SAMD8: variants seen among roughly 807,000 people sequenced by gnomAD.
SAMD8 encodes the protein sterile alpha motif domain containing 8, also known as sphingomyelin synthase-related protein 1.
SAMD8 carries 20 observed loss-of-function variants against 42.0 expected under a neutral mutation model. The observed-to-expected ratio is 0.48, with a 90% confidence interval of 0.34 to 0.69. The LOEUF (loss-of-function observed/expected upper bound fraction) is 0.69, where lower values mean the gene tolerates loss of function less well. Among genes scored for constraint, SAMD8 ranks in the 30% least tolerant of loss-of-function variants. The probability of loss-of-function intolerance (pLI) is 0.01; values close to 1 mark genes in which losing one functional copy is unlikely to be tolerated. For missense variants in SAMD8, 328 were observed against 511.6 expected, an observed-to-expected ratio of 0.64 and a Z score of 3.46; for synonymous variants, 162 against 173.0, an observed-to-expected ratio of 0.94 and a Z score of 0.50.
At chr10:75,107,304 G>A (rs190549465), upstream of SAMD8, among the ~76,000 whole-genome samples, 15 of 150,888 alleles carry the variant, frequency 9.9e-5, no homozygotes, top group Admixed American at 8.6e-4. Context: ...CAGAGATCGC[G>A]CCACTGCACT....
At chr10:75,101,984 T>C in intron 1 of SAMD8, 1 of 1,363,284 alleles carries the variant, frequency 7.3e-7, no homozygotes, top group Non-Finnish European at 9.8e-7. Context: ...TTGAGTTTAA[T>C]TATAAAGCAT....
chr10:75,145,757 A>G (rs1474187923), intron 1 of SAMD8, among the ~76,000 whole-genome samples: 1 of 152,196 alleles, frequency 6.6e-6, no homozygotes, highest in Non-Finnish European at 1.5e-5. Flanking sequence ...ACATTGCCAA[A>G]TGTTCCAGGA....
chr10:75,108,245 A>G (rs748380089), upstream of SAMD8: 1 of 1,564,052 alleles, frequency 6.4e-7, no homozygotes. Context: ...ATGCCGGCCA[A>G]GCCATGGGAC....
Position 75,105,053 on chromosome 10 carries a change from G to A in SAMD8, c.-16+5325G>A, listed in dbSNP as rs976463396. On this transcript the variant is annotated intron_variant, in intron 1 of 3. Coordinates refer to the SAMD8 transcript ENST00000447533. Reference sequence around the variant, plus strand: ...GGACAGCCAAAGACAGGCTTGAGGCGAGACAGGCAAGGAGTTGTAGAGGAA... The same window carrying A: ...GGACAGCCAAAGACAGGCTTGAGGCAAGACAGGCAAGGAGTTGTAGAGGAA... Among the ~76,000 whole-genome samples, 16 of 152,192 alleles carry A rather than the reference G, an allele frequency of 1.1e-4. 1 individual carries two copies. Among genetic ancestry groups the A allele is most frequent in the South Asian group, 4.1e-4 (2 of 4,834 alleles).
At chr10:75,106,111 T>C (rs888958048) in intron 1 of SAMD8, among the ~76,000 whole-genome samples, 511 of 150,612 alleles carry the variant, frequency 3.4e-3, no homozygotes, top group Middle Eastern at 6.9e-3. Flanking sequence ...CTTTTTTTTT[T>C]TTTTTTTTTT....
chr10:75,155,627 G>A (rs1840395026), intron 2 of SAMD8, among the ~76,000 whole-genome samples: 1 of 152,138 alleles, frequency 6.6e-6, no homozygotes, highest in Non-Finnish European at 1.5e-5. Flanking sequence ...ATAGGTTCAG[G>A]AGAGAATGTG....
rs569008950 is a variant in SAMD8, at chr10:75,181,139, T to C, written c.*4447T>C. The C allele has an allele frequency of 4.1e-4, 62 of 152,358 alleles. No homozygotes were observed. The highest frequency in any genetic ancestry group is 1.4e-3 in the African/African-American group (60 of 41,590). 9.4% of individuals were successfully genotyped at this position (152,358 alleles called of 1,614,324 possible). A position where few individuals can be genotyped will look rare whatever the true frequency, so the allele number is the denominator to read the frequency against. ...AAAGCTGTCTTGTAGAATAGTCCAA[T>C]TGCTTTCTTAAACAGTACTGGTTTC... is the stretch of plus-strand genomic sequence containing the variant. On this transcript the variant is annotated 3_prime_UTR_variant, in exon 6 of 6. Transcript: ENST00000542569.
chr10:75,107,203 C>T (rs1564668114), upstream of SAMD8, among the ~76,000 whole-genome samples: 1 of 151,996 alleles, frequency 6.6e-6, no homozygotes, highest in Non-Finnish European at 1.5e-5. Flanking sequence ...GGTATGGTGG[C>T]GGATGCCTGT....
At chr10:75,100,248 C>T (rs1439674219) in intron 1 of SAMD8, among the ~76,000 whole-genome samples, 1 of 152,162 alleles carries the variant, frequency 6.6e-6, no homozygotes, top group African/African-American at 2.4e-5. Flanking sequence ...CCTCTGCCTC[C>T]GAGGGGACCT....
chr10:75,155,566 T>G (rs188288187), intron 2 of SAMD8, among the ~76,000 whole-genome samples: 1 of 152,292 alleles, frequency 6.6e-6, no homozygotes, highest in Admixed American at 6.5e-5. Context: ...TAGCAACATG[T>G]TGGTCATCAG....
chr10:75,129,500 A>G (rs1403562322), intron 1 of SAMD8, among the ~76,000 whole-genome samples: 1 of 152,146 alleles, frequency 6.6e-6, no homozygotes, highest in Non-Finnish European at 1.5e-5. Flanking sequence ...GGCCTCCCAA[A>G]GTGCTGGAAT....
intron 2 of SAMD8, among the ~76,000 whole-genome samples, chr10:75,154,021 C>T (rs2134491761): frequency 6.6e-6 from 1 of 152,308 alleles, no homozygotes; most frequent in African/African-American, 2.4e-5. Flanking sequence ...CCACCTGGGC[C>T]TCCCAAAGTA....
chr10:75,179,532 C>T lies in SAMD8; in HGVS notation c.*2840C>T, dbSNP rs1052899995. On this transcript the variant is annotated 3_prime_UTR_variant, in exon 6 of 6. Coordinates refer to ENST00000542569, the MANE Select transcript of SAMD8 (RefSeq NM_001174156.2). ...TGTAAAATAACTTTTCAGCCTTGCACTTGCTCATATATGTTTTGAGAAAAA... is the reference window on the plus strand; with the variant it reads ...TGTAAAATAACTTTTCAGCCTTGCATTTGCTCATATATGTTTTGAGAAAAA... 1 of 152,198 alleles carries T rather than the reference C, an allele frequency of 6.6e-6. No individual in the cohort carries two copies. Among genetic ancestry groups the T allele is most frequent in the Non-Finnish European group, 1.5e-5 (1 of 68,034 alleles). 9.4% of individuals were successfully genotyped at this position (152,198 alleles called of 1,614,324 possible). A position where few individuals can be genotyped will look rare whatever the true frequency, so the allele number is the denominator to read the frequency against.
At chr10:75,148,662 GC>G (rs1415631315) in intron 1 of SAMD8, among the ~76,000 whole-genome samples, 1 of 152,104 alleles carries the variant, frequency 6.6e-6, no homozygotes, top group African/African-American at 2.4e-5. Context: ...CGCAGTACCA[GC>G]TTTTAACTTT....
At chr10:75,113,867 C>T (rs1256404705) in intron 1 of SAMD8, among the ~76,000 whole-genome samples, 1 of 152,120 alleles carries the variant, frequency 6.6e-6, no homozygotes, top group Admixed American at 6.5e-5. Flanking sequence ...AAAGTCATGG[C>T]ATGTAAAAAT....
rs955435037 is a variant in SAMD8, at chr10:75,181,551, A to G, written c.*4859A>G. On this transcript the variant is annotated 3_prime_UTR_variant, in exon 6 of 6. Coordinates refer to ENST00000542569, the MANE Select transcript of SAMD8 (RefSeq NM_001174156.2). The stretch of plus-strand genomic sequence containing the variant: ...TATTTCAGCTATTCTGGTTTTTATA[A>G]TACATTCTACCCTAAATTAACCAAA... 1 of 152,212 alleles carries G rather than the reference A, an allele frequency of 6.6e-6. No individual in the cohort carries two copies. Among genetic ancestry groups the G allele is most frequent in the African/African-American group, 2.4e-5 (1 of 41,446 alleles). The allele number at this position is 152,212 out of a possible 1,614,324, so 9.4% of individuals were successfully genotyped here. A position where few individuals can be genotyped will look rare whatever the true frequency, so the allele number is the denominator to read the frequency against.
rs1840275354 is a variant in SAMD8, at chr10:75,150,940, A to G, written c.412A>G (p.Asn138Asp). 1 of 1,613,130 alleles carries G rather than the reference A, an allele frequency of 6.2e-7. No homozygotes were observed. The highest frequency in any genetic ancestry group is 1.7e-5 in the Admixed American group (1 of 59,786). The change falls in exon 2 of 6, where the codon AAC becomes GAC. Residue 138 changes from asparagine (N) to aspartate (D), a missense_variant. Coordinates refer to ENST00000542569, the MANE Select transcript of SAMD8 (RefSeq NM_001174156.2). ...SDQYQYMNGK[N>D]KHSVRRLDPE... ...TCAGTACCAGTACATGAATGGTAAA[A>G]ACAAACATTCTGTTCGAAGATTGGA...
intron 2 of SAMD8, among the ~76,000 whole-genome samples, chr10:75,152,529 AAAAAAAG>A (rs1296431047): frequency 6.1e-5 from 9 of 148,266 alleles, no homozygotes; most frequent in African/African-American, 2.3e-4. Flanking sequence ...CTCAAAAAAA[AAAAAAAG>A]AAAAAAAAAA....
Position 75,123,288 on chromosome 10 carries a change from T to G in SAMD8, c.-16+11566T>G, listed in dbSNP as rs777043888. ...TTACCTCCGATATACCACTGAGTGG[T>G]GTTAATCCTGAGTCTCCAGCAGGCT... On this transcript the variant is annotated intron_variant, in intron 1 of 5. Transcript: ENST00000542569. Among the ~76,000 whole-genome samples the G allele has an allele frequency of 4.6e-4, 69 of 151,334 alleles. No homozygotes were observed. The South Asian group carries it at 5.6e-3, about 12-fold the overall frequency.
Sources: gnomAD v4.1 joint callset for allele counts (sites outside exome capture counted in the v4.1 genomes callset) on GRCh38, gnomAD v4.1.1 for gene constraint, MANE v1.5 for transcripts, NCBI Gene and HGNC (gene_info 2026-07-23, HGNC 2026-07-21) for gene names.